Variants in KCNK13 observed in about 807,000 individuals in gnomAD.
KCNK13 encodes potassium channel subfamily K member 13.
KCNK13 carries 12 observed loss-of-function variants against 23.4 expected under a neutral mutation model. The observed-to-expected ratio is 0.51, with a 90% CI of 0.33 to 0.83. The LOEUF (loss-of-function observed/expected upper bound fraction) is 0.83. Ranked by LOEUF, KCNK13 falls within the 40% of genes least tolerant of loss-of-function variation. KCNK13 has a pLI of 0.02. For synonymous variants in KCNK13, 231 were observed against 229.5 expected (o/e 1.01, Z -0.06); for missense variants, 463 against 556.3 (o/e 0.83, Z 1.69).
At chr14:90,112,953 G>T (rs561996261) in intron 1 of KCNK13, among the ~76,000 whole-genome samples, 1 of 146,754 alleles carries the variant, frequency 6.8e-6, no homozygotes, top group Non-Finnish European at 1.5e-5. Context: ...TTGCTCTGTC[G>T]CCCAGGGTGG....
At chr14:90,140,234 C>G (rs980700601) in intron 1 of KCNK13, among the ~76,000 whole-genome samples, 34 of 152,164 alleles carry the variant, frequency 2.2e-4, no homozygotes, top group African/African-American at 7.7e-4. Flanking sequence ...TCTGAGCCAT[C>G]ATGCAAGGCT....
chr14:90,113,087 A>G (rs573465779), intron 1 of KCNK13, among the ~76,000 whole-genome samples: 30 of 151,922 alleles, frequency 2.0e-4, no homozygotes, highest in African/African-American at 6.8e-4. Context: ...CTAATTTTTT[A>G]TATTTTTTGT....
At chr14:90,097,425 G>A (rs1486365340) in intron 1 of KCNK13, among the ~76,000 whole-genome samples, 1 of 152,202 alleles carries the variant, frequency 6.6e-6, no homozygotes, top group African/African-American at 2.4e-5. Context: ...TCTCACCAAA[G>A]CGAGAACTCA....
intron 1 of KCNK13, among the ~76,000 whole-genome samples, chr14:90,157,232 T>C (rs1890203762): frequency 6.6e-6 from 1 of 152,216 alleles, no homozygotes; most frequent in Non-Finnish European, 1.5e-5. Context: ...CATTTGTATC[T>C]ACTATCTATT....
chr14:90,073,968 C>T (rs1398139449), intron 1 of KCNK13, among the ~76,000 whole-genome samples: 1 of 150,862 alleles, frequency 6.6e-6, no homozygotes, highest in East Asian at 2.0e-4. Flanking sequence ...AGCCACTGCG[C>T]CCGACCAAGA....
intron 1 of KCNK13, among the ~76,000 whole-genome samples, chr14:90,087,154 A>ATATTTTTTTT (rs1282261147): frequency 1.9e-5 from 2 of 107,650 alleles, no homozygotes; most frequent in African/African-American, 7.6e-5. Context: ...ATATATATAT[A>ATATTTTTTTT]TTTTTTTTTT....
At chr14:90,157,701 C>CATTTTTTTT (rs1890209433) in intron 1 of KCNK13, among the ~76,000 whole-genome samples, 1 of 47,452 alleles carries the variant, frequency 2.1e-5, no homozygotes, top group Non-Finnish European at 4.0e-5. Flanking sequence ...GCTTGGCTTT[C>CATTTTTTTT]CTTTTTTTTT....
chr14:90,101,416 A>G (rs1426627864), intron 1 of KCNK13, among the ~76,000 whole-genome samples: 1 of 151,994 alleles, frequency 6.6e-6, no homozygotes, highest in African/African-American at 2.4e-5. Context: ...ACATTCAGAA[A>G]TTCTCCCATG....
intron 1 of KCNK13, among the ~76,000 whole-genome samples, chr14:90,117,316 G>A (rs563275056): frequency 6.6e-6 from 1 of 152,240 alleles, no homozygotes; most frequent in South Asian, 2.1e-4. Context: ...TGGGCTGGGT[G>A]CAGTGGCTCA....
At chr14:90,077,537 T>C (rs1173598943) in intron 1 of KCNK13, among the ~76,000 whole-genome samples, 5 of 152,228 alleles carry the variant, frequency 3.3e-5, no homozygotes, top group African/African-American at 7.2e-5. Flanking sequence ...AAAAGTCTAC[T>C]AGGTACTTTT....
At chr14:90,176,575 T>G (rs1890424490) in intron 1 of KCNK13, among the ~76,000 whole-genome samples, 1 of 152,128 alleles carries the variant, frequency 6.6e-6, no homozygotes, top group Non-Finnish European at 1.5e-5. Context: ...ACTGTTAGCA[T>G]CAAAAAGATT....
chr14:90,082,499 G>A (rs1156604875), intron 1 of KCNK13, among the ~76,000 whole-genome samples: 1 of 152,066 alleles, frequency 6.6e-6, no homozygotes, highest in East Asian at 1.9e-4. Context: ...TGCCTATTCT[G>A]GACATTTCAT....
At chr14:90,107,290 T>A (rs375625790) in intron 1 of KCNK13, among the ~76,000 whole-genome samples, 19 of 151,992 alleles carry the variant, frequency 1.3e-4, no homozygotes, top group Non-Finnish European at 2.2e-4. Context: ...CCATCCTGGC[T>A]AACATGGTGA....
At position 90,143,367 on chromosome 14, in the gene KCNK13, C is replaced by T. The variant is rs141257189; in HGVS notation, c.335-40744C>T. On this transcript the variant is annotated intron_variant, in intron 1 of 1. Transcript: ENST00000282146. ...GGATTCGCAGCTTTTCATACATCTG[C>T]TTCTTCTCAGTTGCCTTCAACTCAG... Among the ~76,000 whole-genome samples the T allele has an allele frequency of 2.2e-3, 327 of 152,074 alleles. 3 individuals are homozygous for T. Among genetic ancestry groups the T allele is most frequent in the African/African-American group, 7.4e-3 (306 of 41,476 alleles).
At chr14:90,165,762 A>G (rs780166188) in intron 1 of KCNK13, among the ~76,000 whole-genome samples, 6 of 152,220 alleles carry the variant, frequency 3.9e-5, no homozygotes, top group Admixed American at 6.5e-5. Flanking sequence ...TGAGGGTAAA[A>G]TCAGAAATAA....
At chr14:90,163,842 A>T (rs1323550580) in intron 1 of KCNK13, among the ~76,000 whole-genome samples, 1 of 152,050 alleles carries the variant, frequency 6.6e-6, no homozygotes, top group Non-Finnish European at 1.5e-5. Context: ...GGCATGTGCC[A>T]CCACCCCCAG....
chr14:90,151,406 A>G (rs1890132983), intron 1 of KCNK13, among the ~76,000 whole-genome samples: 1 of 152,120 alleles, frequency 6.6e-6, no homozygotes, highest in Admixed American at 6.5e-5. Flanking sequence ...GCATTTTTTC[A>G]TGTAACTCTT....
At chr14:90,065,289 A>G (rs901023136) in intron 1 of KCNK13, among the ~76,000 whole-genome samples, 3 of 152,250 alleles carry the variant, frequency 2.0e-5, no homozygotes, top group African/African-American at 7.2e-5. Flanking sequence ...TATACAGGAA[A>G]ATAATCATAA....
chr14:90,135,704 A>G (rs1008726326), intron 1 of KCNK13, among the ~76,000 whole-genome samples: 1 of 152,040 alleles, frequency 6.6e-6, no homozygotes, highest in South Asian at 2.1e-4. Flanking sequence ...CTTGCTTTCA[A>G]GCTTTAAGCC....
Sources: allele counts gnomAD v4.1 joint callset (sites outside exome capture counted in the v4.1 genomes callset), GRCh38; gene constraint gnomAD v4.1.1; transcripts MANE v1.5; gene names NCBI Gene and HGNC (gene_info 2026-07-23, HGNC 2026-07-21).